The following TSGA10 variants were observed in gnomAD, a reference collection of about 807,000 sequenced individuals.
The protein encoded by TSGA10 is testis specific 10, also known as testis-specific gene 10 protein.
TSGA10 carries 43 observed loss-of-function variants against 96.6 expected under a neutral mutation model. The observed-to-expected ratio is 0.44, with a 90% confidence interval of 0.35 to 0.57. TSGA10 has a LOEUF of 0.57. Among genes scored for constraint, TSGA10 ranks in the 20% least tolerant of loss-of-function variants. TSGA10 has a pLI of 0.01. For missense variants in TSGA10, 703 were observed against 834.4 expected (o/e 0.84, Z 1.94); for synonymous variants, 229 against 269.9 (o/e 0.85, Z 1.48).
At chr2:99,057,628 T>C (rs952323852) in intron 16 of TSGA10, among the ~76,000 whole-genome samples, 6 of 152,160 alleles carry the variant, frequency 3.9e-5, no homozygotes, top group Non-Finnish European at 7.4e-5. Flanking sequence ...CACCTTGTGT[T>C]CATGGATCAG....
intron 17 of TSGA10, among the ~76,000 whole-genome samples, chr2:99,025,238 C>A (rs2080456001): frequency 1.3e-5 from 2 of 152,186 alleles, no homozygotes; most frequent in African/African-American, 4.8e-5. Context: ...GAAGAATTCA[C>A]AACTGAAGCC....
At chr2:99,036,971 C>T (rs150196164) in intron 16 of TSGA10, among the ~76,000 whole-genome samples, 43 of 152,096 alleles carry the variant, frequency 2.8e-4, no homozygotes, top group African/African-American at 9.9e-4. Context: ...TGCCAACATA[C>T]GTAAGCCAAA....
chr2:99,057,910 T>C (rs1346979115), intron 16 of TSGA10, among the ~76,000 whole-genome samples: 1 of 152,124 alleles, frequency 6.6e-6, no homozygotes, highest in African/African-American at 2.4e-5. Context: ...TACAGATCAA[T>C]GAAATAGAAT....
chr2:99,016,600 C>T (rs932600975), intron 20 of TSGA10, among the ~76,000 whole-genome samples: 6 of 152,042 alleles, frequency 3.9e-5, no homozygotes, highest in Non-Finnish European at 1.5e-5. Flanking sequence ...ATTTCATGAC[C>T]AAGAACCCAA....
At chr2:99,110,096 C>G (rs1162258204) in intron 5 of TSGA10, among the ~76,000 whole-genome samples, 1 of 152,132 alleles carries the variant, frequency 6.6e-6, no homozygotes, top group African/African-American at 2.4e-5. Flanking sequence ...ACCCGGGAGG[C>G]GGAGGTTGTG....
chr2:99,074,486 G>A (rs949537738), intron 12 of TSGA10, among the ~76,000 whole-genome samples: 2 of 144,878 alleles, frequency 1.4e-5, no homozygotes, highest in African/African-American at 2.7e-5. Context: ...AATAGATACT[G>A]GTGTGTTGTT....
chr2:99,005,310 A>G (rs1196323115), intron 20 of TSGA10, among the ~76,000 whole-genome samples: 1 of 152,174 alleles, frequency 6.6e-6, no homozygotes, highest in Non-Finnish European at 1.5e-5. Context: ...GGCAGGAGAA[A>G]GAAACAAAGG....
intron 9 of TSGA10, 128 bp downstream of exon 9, chr2:99,105,231 A>T (rs2091220600): frequency 2.9e-6 from 2 of 679,008 alleles, no homozygotes; most frequent in Admixed American, 3.2e-5. Flanking sequence ...AAATACCTTA[A>T]GTATTTTAGG....
intron 10 of TSGA10, among the ~76,000 whole-genome samples, chr2:99,095,919 G>T (rs901343860): frequency 6.6e-6 from 1 of 152,148 alleles, no homozygotes; most frequent in African/African-American, 2.4e-5. Flanking sequence ...GATTACAGGC[G>T]TGAGCCACTG....
In TSGA10 at chr2:98,997,991, A is replaced by G. The variant is rs2077589938; in HGVS notation, c.*206T>C. 2 of 498,048 alleles carry G rather than the reference A, an allele frequency of 4.0e-6. No homozygotes were observed. The highest frequency in any genetic ancestry group is 8.1e-5 in the South Asian group (2 of 24,748). The allele number at this position is 498,048 out of a possible 1,614,324, so 30.9% of individuals were successfully genotyped here. On this transcript the variant is annotated 3_prime_UTR_variant, in exon 21 of 21. Transcript: ENST00000393483. The stretch of plus-strand genomic sequence containing the variant: ...ACACTCACTATCACTGCATGGATAG[A>G]AAGAGCCATATACATTTTTGTTTTT...
chr2:99,108,752 G>T, intron 7 of TSGA10, 81 bp downstream of exon 7: 2 of 1,021,938 alleles, frequency 2.0e-6, no homozygotes, highest in South Asian at 2.2e-5. Flanking sequence ...GGTTTAAGCA[G>T]TCTCATAAAA....
intron 17 of TSGA10, among the ~76,000 whole-genome samples, chr2:99,023,910 C>G (rs2080283884): frequency 6.6e-6 from 1 of 152,170 alleles, no homozygotes; most frequent in Non-Finnish European, 1.5e-5. Context: ...ATCAGTTTGA[C>G]AATTTCTACA....
chr2:99,148,038 T>C (rs1231527574), intron 1 of TSGA10, among the ~76,000 whole-genome samples: 1 of 152,204 alleles, frequency 6.6e-6, no homozygotes, highest in East Asian at 1.9e-4. Flanking sequence ...CCCTTCCCAA[T>C]TCAAGAGCAT....
intron 7 of TSGA10, among the ~76,000 whole-genome samples, chr2:99,106,314 T>C (rs1034243923): frequency 2.0e-5 from 3 of 152,154 alleles, no homozygotes; most frequent in Admixed American, 2.0e-4. Context: ...GGAAAATATA[T>C]AACTTCCCAA....
At chr2:99,095,904 G>A (rs1308655436) in intron 10 of TSGA10, among the ~76,000 whole-genome samples, 2 of 152,162 alleles carry the variant, frequency 1.3e-5, no homozygotes, top group Non-Finnish European at 2.9e-5. Flanking sequence ...CTCCCAAAGT[G>A]CTGGGATTAC....
chr2:99,037,226 A>T (rs1294560582), intron 16 of TSGA10, among the ~76,000 whole-genome samples: 1 of 152,224 alleles, frequency 6.6e-6, no homozygotes, highest in Non-Finnish European at 1.5e-5. Context: ...ACATTCACTA[A>T]GACAGACTAC....
At chr2:99,062,665 T>C (rs1468578809) in intron 16 of TSGA10, among the ~76,000 whole-genome samples, 2 of 152,144 alleles carry the variant, frequency 1.3e-5, no homozygotes, top group East Asian at 1.9e-4. Flanking sequence ...TGCCCAGGAA[T>C]TGGAGGCTGC....
rs200231230 is a variant in TSGA10, at chr2:99,018,616, G to A, written c.1842C>T (p.Ala614=). ...NKMAIQSRDV[A]QFRNVVTQLE... is the part of the protein sequence containing the mutation. ...ATTGTGTGACAACATTTCTGAACTG[G>A]GCCACATCTCTACTCTGGATGGCCC... is the stretch of plus-strand genomic sequence containing the variant. Residue 614 remains alanine (A), a synonymous_variant, in exon 19 of 21, where the codon GCC becomes GCT. Transcript: ENST00000393483. The A allele has an allele frequency of 1.2e-6, 2 of 1,613,744 alleles. No homozygotes were observed. Among genetic ancestry groups the A allele is most frequent in the Non-Finnish European group, 1.7e-6 (2 of 1,179,900 alleles).
chr2:99,025,660 G>A (rs945182192), intron 17 of TSGA10, among the ~76,000 whole-genome samples: 3 of 152,034 alleles, frequency 2.0e-5, no homozygotes, highest in African/African-American at 7.2e-5. Context: ...TTTTTCCAGT[G>A]TTCTAAGTGG....
Sources: allele counts gnomAD v4.1 joint callset (sites outside exome capture counted in the v4.1 genomes callset), GRCh38; gene constraint gnomAD v4.1.1; transcripts MANE v1.5; gene names NCBI Gene and HGNC (gene_info 2026-07-23, HGNC 2026-07-21).